Variants in APLP2 observed in about 807,000 individuals in gnomAD.
APLP2 encodes the protein CDEI box-binding protein.
In APLP2, 53 loss-of-function variants were observed where a neutral mutation model predicts 89.9. That is an observed-to-expected ratio of 0.59 (90% CI 0.47 to 0.74). The LOEUF (loss-of-function observed/expected upper bound fraction) is 0.74, where lower values mean the gene tolerates loss of function less well. APLP2 is among the 30% of genes least tolerant of loss of function. The pLI, the probability that APLP2 is intolerant of heterozygous loss-of-function variation, is 0.00. For synonymous variants in APLP2, 372 were observed against 348.6 expected, an observed-to-expected ratio of 1.07 and a Z score of -0.75; for missense variants, 973 against 975.9, an observed-to-expected ratio of 1.00 and a Z score of 0.04.
intron 1 of APLP2, among the ~76,000 whole-genome samples, chr11:130,095,952 G>C (rs1289589161): frequency 6.6e-6 from 1 of 151,094 alleles, no homozygotes. Flanking sequence ...CTCTCCCCTT[G>C]ACGAAGTCAC....
intron 4 of APLP2, among the ~76,000 whole-genome samples, chr11:130,121,369 CT>C (rs1419136276): frequency 6.6e-6 from 1 of 152,156 alleles, no homozygotes. Flanking sequence ...CTCTTCCTGA[CT>C]TTTTTCCACA....
At chr11:130,073,419 A>G (rs1941495240) in intron 1 of APLP2, among the ~76,000 whole-genome samples, 2 of 152,202 alleles carry the variant, frequency 1.3e-5, no homozygotes, top group African/African-American at 4.8e-5. Flanking sequence ...GAATTTTTTA[A>G]TATGTTCCTA....
At chr11:130,074,281 T>C (rs1017462952) in intron 1 of APLP2, among the ~76,000 whole-genome samples, 18 of 152,194 alleles carry the variant, frequency 1.2e-4, no homozygotes, top group African/African-American at 4.3e-4. Flanking sequence ...ACTGGCATGA[T>C]CTCGGCTTAC....
At chr11:130,089,125 A>T (rs927568164) in intron 1 of APLP2, among the ~76,000 whole-genome samples, 13 of 152,144 alleles carry the variant, frequency 8.5e-5, no homozygotes, top group Admixed American at 8.5e-4. Flanking sequence ...AGAATTAGAA[A>T]GCTGGACTCA....
chr11:130,077,561 C>G (rs1942345784), intron 1 of APLP2, among the ~76,000 whole-genome samples: 2 of 151,830 alleles, frequency 1.3e-5, no homozygotes, highest in Admixed American at 1.3e-4. Flanking sequence ...ACCCTTATGT[C>G]CAGCCCCCAG....
At chr11:130,116,961 C>T (rs1949257057) in intron 3 of APLP2, among the ~76,000 whole-genome samples, 1 of 151,908 alleles carries the variant, frequency 6.6e-6, no homozygotes, top group Non-Finnish European at 1.5e-5. Context: ...GAAACCCCGT[C>T]TCTACTAAAA....
chr11:130,085,106 A>G (rs1257419825), intron 1 of APLP2, among the ~76,000 whole-genome samples: 2 of 152,230 alleles, frequency 1.3e-5, no homozygotes, highest in Non-Finnish European at 2.9e-5. Flanking sequence ...GAAGAAATAG[A>G]AAACTTGAGC....
chr11:130,070,194 G>T, intron 1 of APLP2, 112 bp downstream of exon 1: 2 of 497,526 alleles, frequency 4.0e-6, no homozygotes, highest in Non-Finnish European at 5.8e-6. Context: ...CGGCGCCGGG[G>T]GTCCGGCTCT....
intron 13 of APLP2, among the ~76,000 whole-genome samples, chr11:130,136,488 G>A (rs962244603): frequency 6.6e-6 from 1 of 152,130 alleles, no homozygotes; most frequent in African/African-American, 2.4e-5. Context: ...ACTTGCCCGA[G>A]GTCATGTAGC....
chr11:130,120,621 A>T (rs565019411), intron 3 of APLP2, 85 bp from the exon 4 acceptor site: 2 of 933,870 alleles, frequency 2.1e-6, no homozygotes, highest in African/African-American at 3.2e-5. Context: ...CTGGCTGTGT[A>T]GACTATCATC....
chr11:130,126,962 G>C lies in APLP2; in HGVS notation c.1221+132G>C. On this transcript the variant is annotated intron_variant, in intron 8 of 16. Coordinates refer to ENST00000338167, the MANE Select transcript of APLP2 (RefSeq NM_001142276.2). ...ATAAGGACTGGTGAGTCAGGAGAGA[G>C]TTACCAGTGGAGCTGCCTTCTGGGT... is the stretch of plus-strand genomic sequence containing the variant. 3 of 1,194,100 alleles carry C rather than the reference G, an allele frequency of 2.5e-6. No homozygotes were observed. The South Asian group carries it at 4.6e-5, about 18-fold the overall frequency. 74.0% of individuals were successfully genotyped at this position (1,194,100 alleles called of 1,614,324 possible). A position where few individuals can be genotyped will look rare whatever the true frequency, so the allele number is the denominator to read the frequency against.
chr11:130,108,501 A>G (rs1948102931), intron 1 of APLP2: 1 of 152,238 alleles, frequency 6.6e-6, no homozygotes, highest in Admixed American at 6.5e-5. Context: ...CAAAACCACA[A>G]TGAGATACCA....
intron 10 of APLP2, 31 bp downstream of exon 10, chr11:130,129,237 GAGGTGGTATATGT>G (rs755030820): frequency 6.3e-7 from 1 of 1,595,252 alleles, no homozygotes; most frequent in Non-Finnish European, 8.6e-7. Flanking sequence ...TGCCTGCCCT[GAGGTGGTATATGT>G]AGGGGACCAA....
At chr11:130,119,259 A>T (rs547368637) in intron 3 of APLP2, among the ~76,000 whole-genome samples, 1 of 152,318 alleles carries the variant, frequency 6.6e-6, no homozygotes, top group East Asian at 1.9e-4. Context: ...TTCCTGGGCT[A>T]AGCACCCTTC....
At position 130,109,480 on chromosome 11, in the gene APLP2, G is replaced by A. The variant is rs1011092496; in HGVS notation, c.157G>A (p.Ala53Thr). Residue 53 changes from alanine (A) to threonine (T), a missense_variant, in exon 2 of 17, where the codon GCA becomes ACA. By Grantham distance (58) the Ala-to-Thr change is moderately conservative. Transcript: ENST00000338167. Reference sequence around the variant, plus strand: ...ATTTGCTGTTGCTGAGCCTCAAATCGCAATGTTTTGTGGGAAGTTAAATAT... The same window carrying A: ...ATTTGCTGTTGCTGAGCCTCAAATCACAATGTTTTGTGGGAAGTTAAATAT... Reference protein sequence around the residue: ...TGFAVAEPQIAMFCGKLNMHV... With the variant: ...TGFAVAEPQITMFCGKLNMHV... 1.2e-6 allele frequency: 2 copies of A among 1,613,352 alleles called. No homozygotes were observed. The highest frequency in any genetic ancestry group is 1.1e-5 in the South Asian group (1 of 91,000).
chr11:130,140,622 T>A, intron 14 of APLP2, 139 bp downstream of exon 14: 1 of 540,184 alleles, frequency 1.9e-6, no homozygotes, highest in Non-Finnish European at 3.2e-6. Context: ...CTCCAACGGC[T>A]CCCACAGACT....
At chr11:130,076,621 G>C (rs1942176433) in intron 1 of APLP2, among the ~76,000 whole-genome samples, 1 of 152,096 alleles carries the variant, frequency 6.6e-6, no homozygotes. Flanking sequence ...TTCGTGTGTG[G>C]AGTGGGGCAC....
At chr11:130,088,952 C>A (rs1944501830) in intron 1 of APLP2, among the ~76,000 whole-genome samples, 1 of 152,088 alleles carries the variant, frequency 6.6e-6, no homozygotes, top group Non-Finnish European at 1.5e-5. Flanking sequence ...TGCCCATCCT[C>A]TATTTTTGTC....
Position 130,093,005 on chromosome 11 carries a change from T to C in APLP2, c.106-16424T>C, listed in dbSNP as rs185939647. On this transcript the variant is annotated intron_variant, in intron 1 of 16. Transcript: ENST00000338167. ...CCCAGGGGACATAGATGAAACTAAA[T>C]GTGAGCATTTAGCCCCCTGAATACC... is the stretch of plus-strand genomic sequence containing the variant. Among the ~76,000 whole-genome samples, 9 of 152,164 alleles carry C rather than the reference T, an allele frequency of 5.9e-5. No homozygotes were observed. The East Asian group carries it at 1.7e-3, about 30-fold the overall frequency.
Sources: gnomAD v4.1 joint callset for allele counts (sites outside exome capture counted in the v4.1 genomes callset) on GRCh38, gnomAD v4.1.1 for gene constraint, MANE v1.5 for transcripts, NCBI Gene and HGNC (gene_info 2026-07-23, HGNC 2026-07-21) for gene names.